Variants in SGK3 observed in about 807,000 individuals in gnomAD.
The protein encoded by SGK3 is serum/glucocorticoid regulated kinase family member 3, also known as serine/threonine-protein kinase Sgk3.
In SGK3, 47 loss-of-function variants were observed where a neutral mutation model predicts 68.5. That is an observed-to-expected ratio of 0.69 (90% CI 0.54 to 0.87). The LOEUF (loss-of-function observed/expected upper bound fraction) is 0.87, where lower values mean the gene tolerates loss of function less well. SGK3 is among the 40% of genes least tolerant of loss of function. SGK3 has a pLI of 0.00. For synonymous variants in SGK3, 181 were observed against 189.1 expected, an observed-to-expected ratio of 0.96 and a Z score of 0.35; for missense variants, 479 against 575.5, an observed-to-expected ratio of 0.83 and a Z score of 1.72.
rs1244787579 is a variant in SGK3, at chr8:66,861,572, T to G, written c.*1991T>G. On this transcript the variant is annotated 3_prime_UTR_variant, in exon 17 of 17. Coordinates refer to ENST00000521198, the MANE Select transcript of SGK3 (RefSeq NM_001033578.3). The stretch of plus-strand genomic sequence containing the variant: ...TGGAGGAAACATTTTTGTAAAAGTT[T>G]AATGACCCACTTTAGATGCTCCAAG... 2.0e-5 allele frequency: 3 copies of G among 152,234 alleles called. No individual in the cohort carries two copies. Among genetic ancestry groups the G allele is most frequent in the Non-Finnish European group, 4.4e-5 (3 of 68,046 alleles). 9.4% of individuals were successfully genotyped at this position (152,234 alleles called of 1,614,324 possible).
intron 1 of SGK3, among the ~76,000 whole-genome samples, chr8:66,768,265 A>C (rs1806390753): frequency 6.6e-6 from 1 of 152,196 alleles, no homozygotes; most frequent in South Asian, 2.1e-4. Context: ...TTATTAAAAA[A>C]TCAAAATATG....
chr8:66,854,228 G>T (rs1810409819), intron 16 of SGK3, among the ~76,000 whole-genome samples: 1 of 152,062 alleles, frequency 6.6e-6, no homozygotes, highest in African/African-American at 2.4e-5. Flanking sequence ...CAGTTCTGTG[G>T]CCTCAGTCCC....
chr8:66,736,471 T>A (rs1045770913), intron 1 of SGK3, among the ~76,000 whole-genome samples: 9 of 151,948 alleles, frequency 5.9e-5, no homozygotes, highest in African/African-American at 1.9e-4. Context: ...ATATATATAT[T>A]TTTTGAGACA....
intron 16 of SGK3, among the ~76,000 whole-genome samples, chr8:66,856,555 T>A (rs1810516763): frequency 6.6e-6 from 1 of 152,190 alleles, no homozygotes; most frequent in Non-Finnish European, 1.5e-5. Flanking sequence ...GCTCAAAATT[T>A]TTGGCTTTTG....
chr8:66,767,765 G>A (rs1283219755), intron 1 of SGK3: 4 of 1,577,178 alleles, frequency 2.5e-6, no homozygotes, highest in East Asian at 2.2e-5. Context: ...TTTTGTTTGA[G>A]GGGTCCATTG....
chr8:66,767,625 A>G, intron 1 of SGK3: 1 of 1,370,268 alleles, frequency 7.3e-7, no homozygotes, highest in Non-Finnish European at 1.0e-6. Context: ...GCAGGTCAAA[A>G]CTCTCGAAGC....
At chr8:66,764,540 G>A (rs899149925) in intron 1 of SGK3, among the ~76,000 whole-genome samples, 2 of 152,076 alleles carry the variant, frequency 1.3e-5, no homozygotes, top group Admixed American at 6.5e-5. Flanking sequence ...GTCTGCTCTT[G>A]ACTCACTACA....
chr8:66,795,424 G>A (rs1020984973), intron 2 of SGK3, among the ~76,000 whole-genome samples: 3 of 152,190 alleles, frequency 2.0e-5, no homozygotes, highest in Non-Finnish European at 4.4e-5. Flanking sequence ...GTATCACATT[G>A]AAGGTAAACA....
chr8:66,788,975 G>A (rs559762622), intron 1 of SGK3, among the ~76,000 whole-genome samples: 2 of 152,280 alleles, frequency 1.3e-5, no homozygotes, highest in African/African-American at 2.4e-5. Context: ...TTCAGACATA[G>A]CCCTCAGGTG....
In SGK3 at chr8:66,749,863, T is replaced by TA. The variant is rs369916966; in HGVS notation, c.-122+37036dup. 3.3e-3 allele frequency among the ~76,000 whole-genome samples: 499 copies of TA among 152,024 alleles called. 5 individuals carry two copies. Among genetic ancestry groups the TA allele is most frequent in the African/African-American group, 0.012 (486 of 41,490 alleles). On this transcript the variant is annotated intron_variant, in intron 1 of 16. Transcript: ENST00000521198. ...TAATGGCCAAATTATATTAAGTATG[T>TA]AAAAAATAGAATGACTGCCTTGGTA...
At chr8:66,712,863 G>A (rs1804527968) in intron 1 of SGK3, 30 bp downstream of exon 1, 1 of 151,604 alleles carries the variant, frequency 6.6e-6, no homozygotes, top group Non-Finnish European at 1.5e-5. Context: ...GAGGGTCCGC[G>A]CGCCCGGGAC....
Position 66,798,541 on chromosome 8 carries a change from G to GT in SGK3, c.97-1_97insT (p.Val33CysfsTer3), listed in dbSNP as rs1807796337. ...TATTATGTAATTTTTTATTTCCACA[G>GT]GTTTATAAAGTTCTGGTTTCAGTGG... is the stretch of plus-strand genomic sequence containing the variant. On this transcript the variant is annotated frameshift_variant and splice_region_variant. Transcript: ENST00000521198. LOFTEE classifies it high-confidence loss of function. The GT allele has an allele frequency of 6.2e-7, 1 of 1,606,314 alleles. No individual in the cohort carries two copies. Among genetic ancestry groups the GT allele is most frequent in the Non-Finnish European group, 8.5e-7 (1 of 1,176,306 alleles).
chr8:66,742,488 T>A (rs1805511801), intron 1 of SGK3, among the ~76,000 whole-genome samples: 1 of 152,068 alleles, frequency 6.6e-6, no homozygotes, highest in South Asian at 2.1e-4. Context: ...CACCTCACCC[T>A]CCTGAATAGC....
intron 1 of SGK3, among the ~76,000 whole-genome samples, chr8:66,780,502 G>A (rs902247313): frequency 1.6e-4 from 25 of 152,320 alleles, no homozygotes; most frequent in African/African-American, 5.3e-4. Flanking sequence ...AGGTGGCCAT[G>A]AAGTTTGTTG....
intron 5 of SGK3, among the ~76,000 whole-genome samples, chr8:66,815,662 G>A (rs1013427833): frequency 6.6e-6 from 1 of 152,022 alleles, no homozygotes; most frequent in South Asian, 2.1e-4. Flanking sequence ...TTCCTTTGAC[G>A]AGCGGGCATG....
chr8:66,825,774 C>T (rs1809029453), intron 6 of SGK3, among the ~76,000 whole-genome samples: 1 of 152,120 alleles, frequency 6.6e-6, no homozygotes, highest in South Asian at 2.1e-4. Context: ...TTATACCTCA[C>T]CCTCAATTTA....
chr8:66,838,980 T>A (rs544940890), intron 10 of SGK3, among the ~76,000 whole-genome samples: 2 of 152,308 alleles, frequency 1.3e-5, no homozygotes, highest in East Asian at 3.9e-4. Flanking sequence ...CAGCTTCCGA[T>A]TTCCTGAGTC....
intron 1 of SGK3, among the ~76,000 whole-genome samples, chr8:66,759,604 G>A (rs778736881): frequency 5.9e-5 from 9 of 151,928 alleles, no homozygotes; most frequent in East Asian, 1.9e-4. Context: ...GCTAATTTTC[G>A]TATTTTTAGT....
rs564039578 is a variant in SGK3, at chr8:66,837,486, A to G, written c.741+1412A>G. Among the ~76,000 whole-genome samples, 13 of 152,312 alleles carry G rather than the reference A, an allele frequency of 8.5e-5. No individual in the cohort carries two copies. In the South Asian group the frequency reaches 1.2e-3, roughly 15 times the overall value. ...TATTCACCTTTCTACATCTGTCACA[A>G]AAGTCCCTTAAGGCCAGGTGTGGTG... On this transcript the variant is annotated intron_variant, in intron 10 of 16. Coordinates refer to ENST00000521198, the MANE Select transcript of SGK3 (RefSeq NM_001033578.3).
Sources: allele counts gnomAD v4.1 joint callset (sites outside exome capture counted in the v4.1 genomes callset), GRCh38; gene constraint gnomAD v4.1.1; transcripts MANE v1.5; gene names NCBI Gene and HGNC (gene_info 2026-07-23, HGNC 2026-07-21).